The following DLEC1 variants were observed in gnomAD, a reference collection of about 807,000 sequenced individuals.
The protein encoded by DLEC1 is deleted in lung and esophageal cancer protein 1.
DLEC1 carries 146 observed loss-of-function variants against 198.1 expected under a neutral mutation model. The ratio of observed to expected loss-of-function variants is 0.74; its 90% confidence interval spans 0.64 to 0.85. The LOEUF (loss-of-function observed/expected upper bound fraction) is 0.85. Among genes scored for constraint, DLEC1 ranks in the 40% least tolerant of loss-of-function variants. DLEC1 has a pLI of 0.00. For missense variants in DLEC1, 2,233 were observed against 2,220.0 expected, an observed-to-expected ratio of 1.01 and a Z score of -0.12; for synonymous variants, 897 against 866.8, an observed-to-expected ratio of 1.03 and a Z score of -0.61.
chr3:38,049,651 C>T (rs753329793), intron 2 of DLEC1, among the ~76,000 whole-genome samples: 3 of 152,330 alleles, frequency 2.0e-5, no homozygotes, highest in East Asian at 1.9e-4. Flanking sequence ...TTCCAAGGCT[C>T]GGGGTACATG....
chr3:38,093,667 C>T lies in DLEC1; in HGVS notation c.1819C>T (p.Pro607Ser), dbSNP rs1487331736. The T allele has an allele frequency of 1.2e-6, 2 of 1,614,190 alleles. No individual in the cohort carries two copies. The highest frequency in any genetic ancestry group is 1.3e-5 in the African/African-American group (1 of 75,032). ...TTCTGGTGAAAAAAGCCAGCCAGAC[C>T]CTGGAGAGCTCACAGACTTAACAGC... ...YISGEKSQPDPGELTDLTAQH... is the reference protein window; with the variant it reads ...YISGEKSQPDSGELTDLTAQH... The change falls in exon 12 of 37, where the codon CCT (proline) becomes TCT (serine). Residue 607 changes from proline to serine, a missense_variant. By Grantham distance (74) the Pro-to-Ser change is moderately conservative. Coordinates refer to ENST00000308059, the MANE Select transcript of DLEC1 (RefSeq NM_007335.4).
At chr3:38,077,352 G>A (rs1426481173) in intron 6 of DLEC1, among the ~76,000 whole-genome samples, 2 of 152,340 alleles carry the variant, frequency 1.3e-5, no homozygotes, top group East Asian at 1.9e-4. Context: ...TGTCTGGAAT[G>A]AGACTGGGAC....
Position 38,117,088 on chromosome 3 carries a change from C to T in DLEC1, c.4293C>T (p.Ser1431=). ...ECTGYALGFM[S]LDSKVEREIP... ...CTGGCTACGCCCTGGGTTTCATGAG[C>T]TTGGACAGCAAGGTGAGCTCTTCCG... The change falls in exon 30 of 37, where the codon AGC becomes AGT. Residue 1431 remains serine (S), a synonymous_variant. Transcript: ENST00000308059. The T allele has an allele frequency of 1.9e-6, 3 of 1,614,116 alleles. No homozygotes were observed. The South Asian group carries it at 3.3e-5, about 18-fold the overall frequency.
chr3:38,058,825 G>A (rs6777141), intron 2 of DLEC1, among the ~76,000 whole-genome samples: 12,378 of 152,050 alleles, frequency 0.081, 700 homozygotes, highest in African/African-American at 0.15. Context: ...TGCAGGGGCT[G>A]TATGGGGAAT....
Position 38,120,547 on chromosome 3 carries a change from GGA to G in DLEC1, c.4815_4816del (p.Glu1605AspfsTer29), listed in dbSNP as rs140494598. The G allele has an allele frequency of 1.2e-6, 2 of 1,613,914 alleles. No homozygotes were observed. The highest frequency in any genetic ancestry group is 1.7e-5 in the Admixed American group (1 of 60,002). On this transcript the variant is annotated frameshift_variant, in exon 34 of 37. Coordinates refer to ENST00000308059, the MANE Select transcript of DLEC1 (RefSeq NM_007335.4). LOFTEE classifies it high-confidence loss of function. ...PGVDIQQSAS[G>X]EREMVFTQNL... ...GGTGGACATTCAGCAGAGTGCGAGT[GGA>G]GAGAGAGAGATGGTGTTTACTCAGA...
chr3:38,117,992 C>G lies in DLEC1; in HGVS notation c.4672C>G (p.Gln1558Glu). 2 of 1,611,554 alleles carry G rather than the reference C, an allele frequency of 1.2e-6. No individual in the cohort carries two copies. Among genetic ancestry groups the G allele is most frequent in the Middle Eastern group, 1.7e-4 (1 of 5,770 alleles). The change falls in exon 33 of 37, where the codon CAG becomes GAG. Residue 1558 changes from glutamine to glutamate, a missense_variant. Physicochemically the swap from Gln to Glu is conservative, Grantham distance 29 (BLOSUM62 2). Transcript: ENST00000308059. ...CEEETASADK[Q>E]LVLQAQENML... ...GGAGGAGACAGCCTCAGCGGACAAG[C>G]AGCTGGTGCTCCAAGCACAGGAGAA...
At chr3:38,041,706 G>A (rs1208554518) in intron 1 of DLEC1, among the ~76,000 whole-genome samples, 1 of 151,622 alleles carries the variant, frequency 6.6e-6, no homozygotes, top group African/African-American at 2.4e-5. Flanking sequence ...AAATTAGCCG[G>A]GCGTGGTGGT....
rs889007660 is a variant in DLEC1, at chr3:38,062,276, G to C, written c.781G>C (p.Ala261Pro). 6.2e-7 allele frequency: 1 copy of C among 1,614,106 alleles called. No homozygotes were observed. Among genetic ancestry groups the C allele is most frequent in the African/African-American group, 1.3e-5 (1 of 74,942 alleles). Reference sequence around the variant, plus strand: ...TGAAGATTCATGCAGGAAGAAGCTTGCTGAGTTCGAAGATGAGTTAGACCA... The same window carrying C: ...TGAAGATTCATGCAGGAAGAAGCTTCCTGAGTTCGAAGATGAGTTAGACCA... Reference protein sequence around the residue: ...KLEDSCRKKLAEFEDELDHTV... With the variant: ...KLEDSCRKKLPEFEDELDHTV... The change falls in exon 4 of 37, where the codon GCT (alanine) becomes CCT (proline). Residue 261 changes from alanine (A) to proline (P), a missense_variant. Ala to Pro is a conservative substitution (Grantham distance 27). Transcript: ENST00000308059.
chr3:38,121,947 A>T, intron 35 of DLEC1, 124 bp from the exon 36 acceptor site: 1 of 1,514,120 alleles, frequency 6.6e-7, no homozygotes, highest in Non-Finnish European at 8.9e-7. Context: ...ACATGATCTC[A>T]GGGTTGCCCT....
At chr3:38,065,157 C>T (rs1003702637) in intron 6 of DLEC1, among the ~76,000 whole-genome samples, 4 of 152,236 alleles carry the variant, frequency 2.6e-5, no homozygotes, top group Non-Finnish European at 4.4e-5. Context: ...GCCAGCACAG[C>T]GAAACCCCGT....
chr3:38,080,716 T>C (rs1019302676), intron 6 of DLEC1, among the ~76,000 whole-genome samples: 2 of 149,926 alleles, frequency 1.3e-5, no homozygotes, highest in African/African-American at 2.5e-5. Flanking sequence ...GAAGGAGGAA[T>C]GGAGGGTGGA....
Position 38,122,158 on chromosome 3 carries a change from C to T in DLEC1, c.5108C>T (p.Pro1703Leu). The change falls in exon 36 of 37, where the codon CCA becomes CTA. Residue 1703 changes from proline to leucine, a missense_variant. Pro to Leu is a moderately conservative substitution (Grantham distance 98). Transcript: ENST00000308059. ...LLEARSANAP[P>L]TSIALQVFFT... The stretch of plus-strand genomic sequence containing the variant: ...GAAGCACGATCCGCCAATGCACCCC[C>T]AACCTCCATCGCCTTGCAGGTTTTC... The T allele has an allele frequency of 6.2e-7, 1 of 1,614,168 alleles. No individual in the cohort carries two copies. Among genetic ancestry groups the T allele is most frequent in the Non-Finnish European group, 8.5e-7 (1 of 1,179,996 alleles).
rs1699917746 is a variant in DLEC1 at position 38,112,145 on chromosome 3, G to A, written c.3515-65G>A. 4 of 1,603,816 alleles carry A rather than the reference G, an allele frequency of 2.5e-6. No homozygotes were observed. The highest frequency in any genetic ancestry group is 2.2e-5 in the East Asian group (1 of 44,780). On this transcript the variant is annotated intron_variant, in intron 24 of 36. Coordinates refer to ENST00000308059, the MANE Select transcript of DLEC1 (RefSeq NM_007335.4). This position sits in a 1 kb window ranked among gnomAD's most constrained non-coding sequence, Gnocchi z 4.8. ...CGGGGACAGTGCTTTGCTCACACAC[G>A]AGGGTTTGGACCTCACTCCCAACCC...
chr3:38,111,682 A>G lies in DLEC1; in HGVS notation c.3449A>G (p.Asn1150Ser), dbSNP rs1364481220. The change falls in exon 24 of 37, where the codon AAC becomes AGC. Residue 1150 changes from asparagine (N) to serine (S), a missense_variant. Asn to Ser is a conservative substitution (Grantham distance 46). Transcript: ENST00000308059. ...NSLSKKTSLP[N>S]MPPALLKTVR... is the part of the protein sequence containing the mutation. ...CTGTGTCTCCACTTGTAAAGTCCCA[A>G]CATGCCTCCTGCCCTGCTAAAGACA... 80 of 1,613,100 alleles carry G rather than the reference A, an allele frequency of 5.0e-5. No individual in the cohort carries two copies. The highest frequency in any genetic ancestry group is 6.2e-5 in the Non-Finnish European group (73 of 1,179,582).
chr3:38,087,490 TGCTCACACCATCCATCAGCAC>T (rs1472886807), intron 9 of DLEC1, among the ~76,000 whole-genome samples: 15 of 136,358 alleles, frequency 1.1e-4, no homozygotes, highest in African/African-American at 4.4e-4. Flanking sequence ...TCCATCAGCA[TGCTCACACCATCCATCAGCAC>T]TGACACCATC....
At chr3:38,076,996 A>G (rs1302072724) in intron 6 of DLEC1, among the ~76,000 whole-genome samples, 1 of 152,208 alleles carries the variant, frequency 6.6e-6, no homozygotes, top group South Asian at 2.1e-4. Flanking sequence ...GCCTGGATAC[A>G]GTTTTGTATG....
At chr3:38,052,618 A>T (rs1371556777) in intron 2 of DLEC1, among the ~76,000 whole-genome samples, 1 of 152,216 alleles carries the variant, frequency 6.6e-6, no homozygotes, top group Non-Finnish European at 1.5e-5. Context: ...TGAGGTGTGG[A>T]GTTGGAACTG....
At chr3:38,096,366 T>C (rs979429988) in intron 14 of DLEC1, among the ~76,000 whole-genome samples, 1 of 152,156 alleles carries the variant, frequency 6.6e-6, no homozygotes, top group African/African-American at 2.4e-5. Context: ...CCCGTCCCAG[T>C]CCTTATGCTA....
intron 33 of DLEC1, 58 bp from the exon 34 acceptor site, chr3:38,120,390 G>T: frequency 6.3e-7 from 1 of 1,594,016 alleles, no homozygotes; most frequent in African/African-American, 1.3e-5. Context: ...GCTCCAGGTG[G>T]GGAAGTGGCC....
Sources: gnomAD v4.1 joint callset for allele counts (sites outside exome capture counted in the v4.1 genomes callset) on GRCh38, gnomAD v4.1.1 for gene constraint, Gnocchi (gnomAD v3.1) non-coding constraint, MANE v1.5 for transcripts, NCBI Gene and HGNC (gene_info 2026-07-23, HGNC 2026-07-21) for gene names.